Variants in KCNK12 observed in about 807,000 individuals in gnomAD.
KCNK12 encodes the protein potassium channel subfamily K member 12.
In KCNK12, 6 loss-of-function variants were observed where a neutral mutation model predicts 25.3. The observed-to-expected ratio is 0.24, with a 90% CI of 0.13 to 0.47. KCNK12 has a LOEUF of 0.47. Ranked by LOEUF, KCNK12 falls within the 20% of genes least tolerant of loss-of-function variation. The pLI is 0.99. For synonymous variants in KCNK12, 331 were observed against 311.1 expected (o/e 1.06, Z -0.67); for missense variants, 444 against 661.7 (o/e 0.67, Z 3.61).
intron 1 of KCNK12, among the ~76,000 whole-genome samples, chr2:47,524,676 C>T (rs1401301357): frequency 1.3e-5 from 2 of 152,088 alleles, no homozygotes; most frequent in East Asian, 3.8e-4. Context: ...TTTTGTTGAC[C>T]TGGGTGGTAG....
intron 1 of KCNK12, among the ~76,000 whole-genome samples, chr2:47,553,029 C>T (rs1464937239): frequency 6.6e-6 from 1 of 152,216 alleles, no homozygotes; most frequent in Non-Finnish European, 1.5e-5. Flanking sequence ...CTAGTCCCCT[C>T]TACCCAATTC....
In KCNK12 at chr2:47,513,870, C is replaced by T. The variant is rs1393408331; in HGVS notation, c.*7037G>A. 1.3e-5 allele frequency among the ~76,000 whole-genome samples: 2 copies of T among 152,162 alleles called. No individual in the cohort carries two copies. The highest frequency in any genetic ancestry group is 3.9e-4 in the East Asian group (2 of 5,190). On this transcript the variant is annotated 3_prime_UTR_variant, in exon 2 of 2. Coordinates refer to ENST00000327876, the MANE Select transcript of KCNK12 (RefSeq NM_022055.2). The stretch of plus-strand genomic sequence containing the variant: ...TTCGGGTGTCCCTCAAATCTCTCCA[C>T]GTCTCTGTGTTCTCACTAGCACTAC...
intron 1 of KCNK12, among the ~76,000 whole-genome samples, chr2:47,523,404 C>G (rs1668703499): frequency 6.6e-6 from 1 of 152,224 alleles, no homozygotes; most frequent in African/African-American, 2.4e-5. Context: ...AAGAAAGGCT[C>G]TGGCCCAGCT....
Position 47,517,860 on chromosome 2 carries a change from C to G in KCNK12, c.*3047G>C, listed in dbSNP as rs1311562457. On this transcript the variant is annotated 3_prime_UTR_variant, in exon 2 of 2. Transcript: ENST00000327876. This position sits in a 1 kb window ranked among gnomAD's most constrained non-coding sequence, Gnocchi z 4.1. The stretch of plus-strand genomic sequence containing the variant: ...GGCCACAGTCATATGGTGAGGGCCT[C>G]TTGGAGTTCATTCAAACTTTAAGGG... 3 of 152,184 alleles carry G rather than the reference C, an allele frequency of 2.0e-5. No individual in the cohort carries two copies. The highest frequency in any genetic ancestry group is 7.2e-5 in the African/African-American group (3 of 41,434). The allele number at this position is 152,184 out of a possible 1,614,324, so 9.4% of individuals were successfully genotyped here. A position where few individuals can be genotyped will look rare whatever the true frequency, so the allele number is the denominator to read the frequency against.
intron 1 of KCNK12, among the ~76,000 whole-genome samples, chr2:47,526,554 G>A (rs372952999): frequency 1.3e-5 from 2 of 152,102 alleles, no homozygotes; most frequent in Non-Finnish European, 2.9e-5. Context: ...GCAACTTGGC[G>A]AAACTCCGTT....
rs914740772 is a variant in KCNK12, at chr2:47,548,868, G to A, written c.391+21073C>T. 6.6e-6 allele frequency among the ~76,000 whole-genome samples: 1 copy of A among 152,144 alleles called. No homozygotes were observed. The highest frequency in any genetic ancestry group is 2.4e-5 in the African/African-American group (1 of 41,432). On this transcript the variant is annotated intron_variant, in intron 1 of 1. Transcript: ENST00000327876. The surrounding 1 kb of genome is among the most constrained non-coding windows in gnomAD (Gnocchi z 4.4). ...CCCAGAACTCTTGCTGAATTGAGGGGAGAGAAATTCAGGTTCAGGGAGGAT... is the reference window on the plus strand; with the variant it reads ...CCCAGAACTCTTGCTGAATTGAGGGAAGAGAAATTCAGGTTCAGGGAGGAT...
chr2:47,533,732 A>G lies in KCNK12; in HGVS notation c.392-11924T>C, dbSNP rs1262695307. 6.6e-6 allele frequency among the ~76,000 whole-genome samples: 1 copy of G among 152,128 alleles called. No homozygotes were observed. The highest frequency in any genetic ancestry group is 6.5e-5 in the Admixed American group (1 of 15,272). On this transcript the variant is annotated intron_variant, in intron 1 of 1. Transcript: ENST00000327876. The surrounding 1 kb of genome is among the most constrained non-coding windows in gnomAD (Gnocchi z 4.7). ...GTGTGTGTGGGAGAGATATTTTTAA[A>G]TGGGGCTGTTGTGGAAAAGCTGAGA...
At position 47,548,219 on chromosome 2, in the gene KCNK12, C is replaced by T. The variant is rs1011554790; in HGVS notation, c.391+21722G>A. 6.6e-6 allele frequency among the ~76,000 whole-genome samples: 1 copy of T among 152,184 alleles called. No homozygotes were observed. The highest frequency in any genetic ancestry group is 2.4e-5 in the African/African-American group (1 of 41,426). ...ATTACCCACTCTCAGGTATCTTCTT[C>T]AGTGATGATAACATTGCTTTAGCCA... On this transcript the variant is annotated intron_variant, in intron 1 of 1. Coordinates refer to ENST00000327876, the MANE Select transcript of KCNK12 (RefSeq NM_022055.2). This position sits in a 1 kb window ranked among gnomAD's most constrained non-coding sequence, Gnocchi z 4.4.
At chr2:47,530,763 T>C (rs976278054) in intron 1 of KCNK12, among the ~76,000 whole-genome samples, 1 of 152,202 alleles carries the variant, frequency 6.6e-6, no homozygotes, top group Non-Finnish European at 1.5e-5. Context: ...ACCATGATGG[T>C]GTGTTCATAA....
rs985515107 is a variant in KCNK12, at chr2:47,556,187, C to T, written c.391+13754G>A. ...AGGAAGAATATACATGTTTGCATAC[C>T]GATGGAGTATAAATTAACAATGCAT... is the stretch of plus-strand genomic sequence containing the variant. On this transcript the variant is annotated intron_variant, in intron 1 of 1. Coordinates refer to ENST00000327876, the MANE Select transcript of KCNK12 (RefSeq NM_022055.2). This position sits in a 1 kb window ranked among gnomAD's most constrained non-coding sequence, Gnocchi z 4.8. 5.3e-5 allele frequency among the ~76,000 whole-genome samples: 8 copies of T among 152,046 alleles called. No homozygotes were observed. The highest frequency in any genetic ancestry group is 1.0e-4 in the Non-Finnish European group (7 of 68,004).
chr2:47,514,012 G>A lies in KCNK12; in HGVS notation c.*6895C>T, dbSNP rs1668465949. 1.3e-5 allele frequency among the ~76,000 whole-genome samples: 2 copies of A among 152,156 alleles called. No individual in the cohort carries two copies. Among genetic ancestry groups the A allele is most frequent in the African/African-American group, 4.8e-5 (2 of 41,434 alleles). On this transcript the variant is annotated 3_prime_UTR_variant, in exon 2 of 2. Transcript: ENST00000327876. The surrounding 1 kb of genome is among the most constrained non-coding windows in gnomAD (Gnocchi z 5.0). ...CTTGCCAGTGTCCTCAGGATTAGGC[G>A]AAAAGTCTTTGCTTTGTTTTACAAG...
Position 47,533,968 on chromosome 2 carries a change from C to T in KCNK12, c.392-12160G>A, listed in dbSNP as rs779945850. ...AGGCACAGAGAAAATGGCCCTCTGC[C>T]CCTGTTCTGCTTGTTTTTGTCTTGT... On this transcript the variant is annotated intron_variant, in intron 1 of 1. Transcript: ENST00000327876. The surrounding 1 kb of genome is among the most constrained non-coding windows in gnomAD (Gnocchi z 4.7). 1.3e-5 allele frequency among the ~76,000 whole-genome samples: 2 copies of T among 151,844 alleles called. No individual in the cohort carries two copies. The highest frequency in any genetic ancestry group is 3.9e-4 in the East Asian group (2 of 5,162).
chr2:47,570,640 G>A lies in KCNK12; in HGVS notation c.-309C>T, dbSNP rs888713228. ...CTTACCCGCCGCTCTCGGGCGCGGG[G>A]CTCCGCAGCTAGGCCCCTGCCGCCC... On this transcript the variant is annotated 5_prime_UTR_variant, in exon 1 of 2. Transcript: ENST00000327876. The A allele has an allele frequency of 5.4e-6, 1 of 184,878 alleles. No homozygotes were observed. The allele number at this position is 184,878 out of a possible 1,614,324, so 11.5% of individuals were successfully genotyped here. A position where few individuals can be genotyped will look rare whatever the true frequency, so the allele number is the denominator to read the frequency against.
At chr2:47,539,183 T>C (rs1669140411) in intron 1 of KCNK12, among the ~76,000 whole-genome samples, 1 of 152,208 alleles carries the variant, frequency 6.6e-6, no homozygotes, top group Non-Finnish European at 1.5e-5. Context: ...GGATAAATAA[T>C]GTAGCTTGCA....
chr2:47,527,723 AC>A (rs1668819117), intron 1 of KCNK12: 1 of 152,284 alleles, frequency 6.6e-6, no homozygotes, highest in African/African-American at 2.4e-5. Context: ...CTAGAATGTG[AC>A]CGGCCTCATG....
chr2:47,553,039 C>CA (rs982047122), intron 1 of KCNK12, among the ~76,000 whole-genome samples: 4 of 152,210 alleles, frequency 2.6e-5, no homozygotes, highest in Non-Finnish European at 5.9e-5. Context: ...CTACCCAATT[C>CA]ATCCTGCCAC....
At position 47,538,037 on chromosome 2, in the gene KCNK12, C is replaced by G. The variant is rs1376683680; in HGVS notation, c.392-16229G>C. ...AGCACGTGTGGTATGAGAATGAAGG[C>G]CCCTGAGGAACTTCAGTATCTAAAG... is the stretch of plus-strand genomic sequence containing the variant. On this transcript the variant is annotated intron_variant, in intron 1 of 1. Coordinates refer to ENST00000327876, the MANE Select transcript of KCNK12 (RefSeq NM_022055.2). This position sits in a 1 kb window ranked among gnomAD's most constrained non-coding sequence, Gnocchi z 4.5. 1.3e-5 allele frequency among the ~76,000 whole-genome samples: 2 copies of G among 152,220 alleles called. No individual in the cohort carries two copies. The highest frequency in any genetic ancestry group is 6.5e-5 in the Admixed American group (1 of 15,300).
rs2042648 is a variant in KCNK12 at position 47,570,898 on chromosome 2, A to G, written c.-567T>C. 0.65 allele frequency: 98,231 copies of G among 151,958 alleles called. 33,701 individuals carry two copies. Among genetic ancestry groups the G allele is most frequent in the African/African-American group, 0.89 (36,930 of 41,506 alleles). The allele number at this position is 151,958 out of a possible 1,614,324, so 9.4% of individuals were successfully genotyped here. A position where few individuals can be genotyped will look rare whatever the true frequency, so the allele number is the denominator to read the frequency against. ...GGGCTGAGCTGGCGGCGTCGGCTTCAGAGCCTCGGAGCCGAGCCGAGTCCG... is the reference window on the plus strand; with the variant it reads ...GGGCTGAGCTGGCGGCGTCGGCTTCGGAGCCTCGGAGCCGAGCCGAGTCCG... On this transcript the variant is annotated 5_prime_UTR_variant, in exon 1 of 2. Coordinates refer to ENST00000327876, the MANE Select transcript of KCNK12 (RefSeq NM_022055.2).
At position 47,525,284 on chromosome 2, in the gene KCNK12, A is replaced by G. The variant is rs1463108506; in HGVS notation, c.392-3476T>C. On this transcript the variant is annotated intron_variant, in intron 1 of 1. Transcript: ENST00000327876. The surrounding 1 kb of genome is among the most constrained non-coding windows in gnomAD (Gnocchi z 4.1). ...TTATGGGTAGTTGTTGTGGCAGTGG[A>G]GAGTGCTGTGGATTCTTTCACTCAC... Among the ~76,000 whole-genome samples, 1 of 152,172 alleles carries G rather than the reference A, an allele frequency of 6.6e-6. No homozygotes were observed. The highest frequency in any genetic ancestry group is 6.5e-5 in the Admixed American group (1 of 15,286).
Sources: gnomAD v4.1 joint callset for allele counts (sites outside exome capture counted in the v4.1 genomes callset) on GRCh38, gnomAD v4.1.1 for gene constraint, Gnocchi (gnomAD v3.1) non-coding constraint, MANE v1.5 for transcripts, NCBI Gene and HGNC (gene_info 2026-07-23, HGNC 2026-07-21) for gene names.